The following MAP3K9 variants were observed in gnomAD, a reference collection of about 807,000 sequenced individuals.
The protein encoded by MAP3K9 is mixed lineage kinase 1 (tyr and ser/thr specificity).
In MAP3K9, 46 loss-of-function variants were observed where a neutral mutation model predicts 95.8. The ratio of observed to expected loss-of-function variants is 0.48; its 90% CI spans 0.38 to 0.61. The LOEUF is 0.61. MAP3K9 is among the 20% of genes least tolerant of loss of function. The probability of loss-of-function intolerance (pLI) is 0.00; values close to 1 mark genes in which losing one functional copy is unlikely to be tolerated. For synonymous variants in MAP3K9, 533 were observed against 593.8 expected, an observed-to-expected ratio of 0.90 and a Z score of 1.49; for missense variants, 1,296 against 1,474.3, an observed-to-expected ratio of 0.88 and a Z score of 1.98.
intron 3 of MAP3K9, among the ~76,000 whole-genome samples, chr14:70,758,029 C>A (rs2054320183): frequency 6.6e-6 from 1 of 152,092 alleles, no homozygotes; most frequent in African/African-American, 2.4e-5. Context: ...AAAGCACAAT[C>A]CACAGATGAT....
intron 2 of MAP3K9, chr14:70,783,428 C>G: frequency 1.0e-6 from 1 of 983,080 alleles, no homozygotes; most frequent in Middle Eastern, 5.2e-4. Context: ...ATTTCCTGCT[C>G]AAAATTCCTC....
chr14:70,756,667 T>TA (rs1475275932), intron 3 of MAP3K9, among the ~76,000 whole-genome samples: 1 of 152,196 alleles, frequency 6.6e-6, no homozygotes, highest in Non-Finnish European at 1.5e-5. Context: ...AAAATTGTAA[T>TA]ACACACATAA....
Position 70,750,764 on chromosome 14 carries a change from G to A in MAP3K9, c.1002-683C>T, listed in dbSNP as rs1466654559. The stretch of plus-strand genomic sequence containing the variant: ...GGCCTCTCAAAGTGCTGAGATTATA[G>A]GCGTGAGCCACCACACCTGGCCTGT... On this transcript the variant is annotated intron_variant, in intron 3 of 11. Transcript: ENST00000554752. Among the ~76,000 whole-genome samples, 3 of 152,236 alleles carry A rather than the reference G, an allele frequency of 2.0e-5. No homozygotes were observed. The East Asian group carries it at 5.8e-4, about 29-fold the overall frequency.
rs1290159787 is a variant in MAP3K9 at position 70,732,007 on chromosome 14, G to A, written c.2830+532C>T. 5.9e-5 allele frequency among the ~76,000 whole-genome samples: 9 copies of A among 152,150 alleles called. 1 individual carries two copies. Among genetic ancestry groups the A allele is most frequent in the Admixed American group, 4.6e-4 (7 of 15,280 alleles). ...GCAATTTGCCTGGACTCATCTCCAC[G>A]CCTGAAGAGGCAGGTATGAGTCAGG... On this transcript the variant is annotated intron_variant, in intron 11 of 11. Coordinates refer to ENST00000554752, the MANE Select transcript of MAP3K9 (RefSeq NM_001284230.2).
At chr14:70,748,027 G>A (rs2054172240) in intron 5 of MAP3K9, among the ~76,000 whole-genome samples, 1 of 52 alleles carries the variant, frequency 0.019, no homozygotes, top group Admixed American at 0.12. Context: ...AGAATGGCGT[G>A]AACCCAGAGG....
intron 2 of MAP3K9, chr14:70,765,478 G>T: frequency 1.4e-6 from 1 of 693,438 alleles, no homozygotes; most frequent in Non-Finnish European, 2.6e-6. Context: ...TCCATTTCAT[G>T]GTGAGTGTTC....
Position 70,727,436 on chromosome 14 carries a change from C to T in MAP3K9, c.*2944G>A, listed in dbSNP as rs11625206. 0.25 allele frequency: 38,517 copies of T among 152,186 alleles called. 6,203 individuals are homozygous for T. The highest frequency in any genetic ancestry group is 0.34 in the Non-Finnish European group (23,410 of 68,006). 9.4% of individuals were successfully genotyped at this position (152,186 alleles called of 1,614,324 possible). A position where few individuals can be genotyped will look rare whatever the true frequency, so the allele number is the denominator to read the frequency against. On this transcript the variant is annotated 3_prime_UTR_variant, in exon 12 of 12. Coordinates refer to ENST00000554752, the MANE Select transcript of MAP3K9 (RefSeq NM_001284230.2). The stretch of plus-strand genomic sequence containing the variant: ...ATTACCATCTTCCATGAAGTTAGCA[C>T]CTGCCAAGAGCAGAAGGAACGTGTC...
chr14:70,736,145 T>C, intron 8 of MAP3K9, 116 bp from the exon 9 acceptor site: 1 of 746,586 alleles, frequency 1.3e-6, no homozygotes, highest in Non-Finnish European at 2.5e-6. Flanking sequence ...GCCTTCCCAC[T>C]GTCCAGACAC....
rs745497125 is a variant in MAP3K9, at chr14:70,730,446, C to G, written c.3249G>C (p.Leu1083=). The change falls in exon 12 of 12, where the codon CTG becomes CTC. Residue 1083 remains leucine (L), a synonymous_variant. Coordinates refer to ENST00000554752, the MANE Select transcript of MAP3K9 (RefSeq NM_001284230.2). ...EGQSQDSTVP[L]CRAELNTHRP... ...TGTGTGTGTTCAGTTCCGCTCTGCA[C>G]AGCGGCACGGTGCTGTCCTGACTCT... 1.4e-5 allele frequency: 23 copies of G among 1,614,140 alleles called. No individual in the cohort carries two copies. Among genetic ancestry groups the G allele is most frequent in the Non-Finnish European group, 1.9e-5 (22 of 1,180,062 alleles).
intron 2 of MAP3K9, among the ~76,000 whole-genome samples, chr14:70,768,008 T>A (rs2054480570): frequency 6.6e-6 from 1 of 152,158 alleles, no homozygotes; most frequent in Non-Finnish European, 1.5e-5. Context: ...GGACACCACC[T>A]ATATATACCA....
chr14:70,779,945 C>T (rs570797248), intron 2 of MAP3K9, among the ~76,000 whole-genome samples: 181 of 152,322 alleles, frequency 1.2e-3, no homozygotes, highest in African/African-American at 4.0e-3. Context: ...GGAGACAGAA[C>T]GGATAGATGA....
intron 9 of MAP3K9, 107 bp from the exon 10 acceptor site, chr14:70,734,605 C>A: frequency 1.5e-6 from 1 of 685,400 alleles, no homozygotes; most frequent in Non-Finnish European, 2.6e-6. Context: ...TTCATTCTAC[C>A]AAAGAACCTT....
At chr14:70,784,002 G>T (rs2054715349) in intron 2 of MAP3K9, among the ~76,000 whole-genome samples, 1 of 152,156 alleles carries the variant, frequency 6.6e-6, no homozygotes. Flanking sequence ...AACAAACCAC[G>T]GCCAGGCGCA....
rs2053827463 is a variant in MAP3K9, at chr14:70,726,921, C to G, written c.*3459G>C. 1 of 152,274 alleles carries G rather than the reference C, an allele frequency of 6.6e-6. No homozygotes were observed. Among genetic ancestry groups the G allele is most frequent in the African/African-American group, 2.4e-5 (1 of 41,466 alleles). The allele number at this position is 152,274 out of a possible 1,614,324, so 9.4% of individuals were successfully genotyped here. On this transcript the variant is annotated 3_prime_UTR_variant, in exon 12 of 12. Transcript: ENST00000554752. ...ATGATTGCTTTTAAAGGAAGGAAAT[C>G]TGAGAGGGGCTAAAGAGACAAGCCT...
chr14:70,760,954 C>G (rs368559141), intron 3 of MAP3K9, 48 bp downstream of exon 3: 135 of 1,588,964 alleles, frequency 8.5e-5, no homozygotes, highest in Middle Eastern at 2.0e-4. Flanking sequence ...ATGTGTGTGC[C>G]ACCAAGATGG....
chr14:70,755,001 C>T (rs900960141), intron 3 of MAP3K9, among the ~76,000 whole-genome samples: 7 of 152,156 alleles, frequency 4.6e-5, no homozygotes, highest in Non-Finnish European at 1.0e-4. Flanking sequence ...ATCATCTCAC[C>T]CTCCATCACA....
intron 7 of MAP3K9, among the ~76,000 whole-genome samples, chr14:70,739,058 G>A (rs1185807252): frequency 1.3e-5 from 2 of 152,192 alleles, no homozygotes; most frequent in Non-Finnish European, 2.9e-5. Context: ...TGCTATTAGT[G>A]CCAGCCAACT....
chr14:70,807,704 A>C (rs776029730), intron 1 of MAP3K9, among the ~76,000 whole-genome samples: 2 of 152,260 alleles, frequency 1.3e-5, no homozygotes, highest in Non-Finnish European at 2.9e-5. Flanking sequence ...TTTAACAGAT[A>C]AGAGATTATG....
At chr14:70,742,911 T>TATATATATATATATATATATATA (rs2054094808) in intron 5 of MAP3K9, among the ~76,000 whole-genome samples, 1 of 143,106 alleles carries the variant, frequency 7.0e-6, no homozygotes, top group African/African-American at 2.6e-5. Flanking sequence ...TTATATATAT[T>TATATATATATATATATATATATA]TATATATATA....
Sources: gnomAD v4.1 joint callset for allele counts (sites outside exome capture counted in the v4.1 genomes callset) on GRCh38, gnomAD v4.1.1 for gene constraint, MANE v1.5 for transcripts, NCBI Gene and HGNC (gene_info 2026-07-23, HGNC 2026-07-21) for gene names.